The following FBN1 variants were observed in gnomAD, a reference collection of about 807,000 sequenced individuals.
FBN1 encodes the protein fibrillin-1.
A neutral mutation model predicts 365.1 loss-of-function variants in FBN1; 29 were observed. The observed-to-expected ratio is 0.08, with a 90% CI of 0.06 to 0.11. The LOEUF is 0.11. FBN1 is among the 10% of genes least tolerant of loss of function. FBN1 has a pLI of 1.00. For synonymous variants in FBN1, 1,210 were observed against 1,270.5 expected (o/e 0.95, Z 1.01); for missense variants, 2,476 against 3,703.2 (o/e 0.67, Z 8.60).
chr15:48,592,344 T>G (rs1213513161), intron 6 of FBN1, among the ~76,000 whole-genome samples: 2 of 152,180 alleles, frequency 1.3e-5, no homozygotes, highest in Non-Finnish European at 2.9e-5. Flanking sequence ...TCCACTCATA[T>G]GATTCACTGT....
At chr15:48,592,552 TAAGAAGTGA>T (rs2044485783) in intron 6 of FBN1, among the ~76,000 whole-genome samples, 1 of 152,132 alleles carries the variant, frequency 6.6e-6, no homozygotes, top group South Asian at 2.1e-4. Flanking sequence ...ACCACTGAGC[TAAGAAGTGA>T]TTAAGTTCTA....
intron 5 of FBN1, among the ~76,000 whole-genome samples, chr15:48,597,967 CCAG>C (rs1181746611): frequency 3.9e-4 from 59 of 152,318 alleles, no homozygotes; most frequent in Middle Eastern, 6.8e-3. Context: ...GAAGAGATGC[CCAG>C]CAGCCCCTCC....
intron 9 of FBN1, among the ~76,000 whole-genome samples, chr15:48,525,683 G>A (rs570516481): frequency 1.3e-5 from 2 of 152,148 alleles, no homozygotes; most frequent in East Asian, 1.9e-4. Flanking sequence ...TTATTTAATC[G>A]AAGCACTATT....
At position 48,483,798 on chromosome 15, in the gene FBN1, A is replaced by G. The variant is rs772287702; in HGVS notation, c.3838+20T>C. On this transcript the variant is annotated intron_variant, in intron 31 of 65. Transcript: ENST00000316623. ...TATGACTAACAAGACAAGATGAAAA[A>G]TTCTGTCTTCTTTGCTTACCTACAC... 2.2e-5 allele frequency: 35 copies of G among 1,613,074 alleles called. No individual in the cohort carries two copies. Among genetic ancestry groups the G allele is most frequent in the Non-Finnish European group, 2.9e-5 (34 of 1,179,922 alleles).
At chr15:48,576,525 G>T (rs1321959385) in intron 6 of FBN1, among the ~76,000 whole-genome samples, 1 of 152,176 alleles carries the variant, frequency 6.6e-6, no homozygotes, top group Non-Finnish European at 1.5e-5. Flanking sequence ...ATTGGTCTTT[G>T]TGCCTTAGCA....
chr15:48,586,654 G>T (rs1038077866), intron 6 of FBN1, among the ~76,000 whole-genome samples: 2 of 152,178 alleles, frequency 1.3e-5, no homozygotes, highest in African/African-American at 2.4e-5. Flanking sequence ...AGTGTCTCAT[G>T]CTGTGTTTAA....
chr15:48,484,434 C>T (rs546681005), intron 30 of FBN1, among the ~76,000 whole-genome samples: 22 of 151,336 alleles, frequency 1.5e-4, no homozygotes, highest in East Asian at 5.8e-4. Flanking sequence ...TGCAATGGCG[C>T]GATCTTGGCT....
At chr15:48,501,505 T>C in intron 17 of FBN1, among the ~76,000 whole-genome samples, 1 of 152,190 alleles carries the variant, frequency 6.6e-6, no homozygotes, top group East Asian at 1.9e-4. Flanking sequence ...AATTACTCAA[T>C]CTGTGGTTTT....
At chr15:48,424,134 G>T (rs2042961960) in intron 60 of FBN1, among the ~76,000 whole-genome samples, 1 of 152,166 alleles carries the variant, frequency 6.6e-6, no homozygotes, top group African/African-American at 2.4e-5. Flanking sequence ...AGTGACCCCA[G>T]ATGTAAAATA....
intron 23 of FBN1, among the ~76,000 whole-genome samples, chr15:48,493,589 G>A (rs1382764141): frequency 6.6e-6 from 1 of 152,204 alleles, no homozygotes; most frequent in East Asian, 1.9e-4. Context: ...CATTTGGAAA[G>A]CAAGACCTTG....
chr15:48,619,215 G>A (rs891952600), intron 2 of FBN1, among the ~76,000 whole-genome samples: 9 of 152,170 alleles, frequency 5.9e-5, no homozygotes, highest in African/African-American at 1.7e-4. Flanking sequence ...CTTGGGACAC[G>A]GGCAATTCTG....
chr15:48,572,047 C>T (rs1206470646), intron 6 of FBN1, among the ~76,000 whole-genome samples: 3 of 152,128 alleles, frequency 2.0e-5, no homozygotes, highest in South Asian at 2.1e-4. Context: ...GTAGTTTCTT[C>T]GCTACTTCCC....
rs193922210 is a variant in FBN1, at chr15:48,596,337, C to T, written c.484G>A (p.Ala162Thr). 55 of 1,613,904 alleles carry T rather than the reference C, an allele frequency of 3.4e-5. No individual in the cohort carries two copies. Among genetic ancestry groups the T allele is most frequent in the Non-Finnish European group, 4.7e-5 (55 of 1,179,910 alleles). Residue 162 changes from alanine to threonine, a missense_variant, in exon 6 of 66, where the codon GCC becomes ACC. Coordinates refer to ENST00000316623, the MANE Select transcript of FBN1 (RefSeq NM_000138.5). ...SGCLNGGRCV[A>T]PNRCACTYGF... ...TAAGTGCATGCACATCGATTTGGGG[C>T]CACACACCTTCCTCCATTGAGACAG...
Position 48,499,024 on chromosome 15 carries a change from G to C in FBN1, c.2128C>G (p.Leu710Val), listed in dbSNP as rs922581343. Residue 710 changes from leucine (L) to valine (V), a missense_variant, in exon 18 of 66, where the codon CTC (leucine) becomes GTC (valine). Leu to Val is a conservative substitution (Grantham distance 32). Coordinates refer to ENST00000316623, the MANE Select transcript of FBN1 (RefSeq NM_000138.5). ...PAQNSAEYQA[L>V]CSSGPGMTSA... ...GTCATTCCTGGCCCACTGCTGCAGA[G>C]TGCCTGATATTCCGCTGCAATAAAT... The C allele has an allele frequency of 6.2e-7, 1 of 1,614,202 alleles. No homozygotes were observed. The highest frequency in any genetic ancestry group is 2.2e-5 in the East Asian group (1 of 44,890).
chr15:48,430,601 G>A (rs2043016089), intron 56 of FBN1, 70 bp downstream of exon 56: 9 of 1,585,326 alleles, frequency 5.7e-6, no homozygotes, highest in Non-Finnish European at 7.8e-6. Context: ...CAAGAACTCA[G>A]AGCCCAGGTT....
At position 48,515,439 on chromosome 15, in the gene FBN1, G is replaced by A. The variant is rs1261249888; in HGVS notation, c.1416C>T (p.Tyr472=). The change falls in exon 12 of 66, where the codon TAC becomes TAT. Residue 472 remains tyrosine, a synonymous_variant. Coordinates refer to ENST00000316623, the MANE Select transcript of FBN1 (RefSeq NM_000138.5). ...GGAACCCTTTGTTGCACTCACACCG[G>A]TAACTCCCAGGAGTTGGAATGCAGC... is the stretch of plus-strand genomic sequence containing the variant. ...NGRCIPTPGS[Y]RCECNKGFQL... 6.2e-7 allele frequency: 1 copy of A among 1,613,858 alleles called. No homozygotes were observed. The highest frequency in any genetic ancestry group is 1.3e-5 in the African/African-American group (1 of 74,886).
intron 13 of FBN1, among the ~76,000 whole-genome samples, chr15:48,513,073 T>C (rs752111121): frequency 1.8e-4 from 28 of 152,204 alleles, no homozygotes; most frequent in Non-Finnish European, 3.8e-4. Context: ...ATAGTATGTC[T>C]GTGGTGGAAC....
intron 6 of FBN1, among the ~76,000 whole-genome samples, chr15:48,566,703 G>C (rs2044260828): frequency 6.6e-6 from 1 of 152,128 alleles, no homozygotes; most frequent in South Asian, 2.1e-4. Context: ...ATCTGGAAAG[G>C]ACTTCAGAGA....
At chr15:48,588,246 T>C (rs186319357) in intron 6 of FBN1, among the ~76,000 whole-genome samples, 110 of 152,306 alleles carry the variant, frequency 7.2e-4, no homozygotes, top group Admixed American at 1.2e-3. Context: ...TGAGTATCTA[T>C]TGACATAAAA....
Sources: gnomAD v4.1 joint callset for allele counts (sites outside exome capture counted in the v4.1 genomes callset) on GRCh38, gnomAD v4.1.1 for gene constraint, MANE v1.5 for transcripts, NCBI Gene and HGNC (gene_info 2026-07-23, HGNC 2026-07-21) for gene names.